Variants in TNIP3 observed in about 807,000 individuals in gnomAD.
TNIP3 encodes TNFAIP3 interacting protein 3, also known as TNFAIP3-interacting protein 3.
In TNIP3, 34 loss-of-function variants were observed where a neutral mutation model predicts 54.1. The observed-to-expected ratio is 0.63, with a 90% CI of 0.48 to 0.84. TNIP3 has a LOEUF of 0.84. TNIP3 is among the 40% of genes least tolerant of loss of function. TNIP3 has a pLI of 0.00. For synonymous variants in TNIP3, 134 were observed against 136.8 expected (o/e 0.98, Z 0.14); for missense variants, 366 against 387.6 (o/e 0.94, Z 0.47).
intron 2 of TNIP3, among the ~76,000 whole-genome samples, chr4:121,207,852 C>T (rs1726268911): frequency 6.6e-6 from 1 of 152,078 alleles, no homozygotes; most frequent in Admixed American, 6.6e-5. Context: ...TGGCTGTGTC[C>T]TCACCCAAAT....
chr4:121,151,453 T>C (rs1159176782), intron 5 of TNIP3, among the ~76,000 whole-genome samples: 1 of 151,824 alleles, frequency 6.6e-6, no homozygotes, highest in Non-Finnish European at 1.5e-5. Context: ...ATGAATATCA[T>C]TTTTTTTCAG....
intron 2 of TNIP3, among the ~76,000 whole-genome samples, chr4:121,213,021 G>A (rs1465228500): frequency 1.3e-5 from 2 of 152,148 alleles, no homozygotes; most frequent in East Asian, 1.9e-4. Flanking sequence ...ATAGCCAGCA[G>A]CTGTTTGGCT....
upstream of TNIP3, among the ~76,000 whole-genome samples, chr4:121,168,051 T>C (rs566041393): frequency 2.0e-5 from 3 of 152,306 alleles, no homozygotes; most frequent in East Asian, 5.8e-4. Flanking sequence ...CCTTGACTCT[T>C]CTTTCTCTTA....
rs372394674 is a variant in TNIP3, at chr4:121,205,412, G to C, written c.68+11003C>G. ...CAGATTAAACCAGAAAGGTAAAAGA[G>C]AGCCAGTTCAAGGAGGTTCGTGGGC... is the stretch of plus-strand genomic sequence containing the variant. On this transcript the variant is annotated intron_variant, in intron 2 of 12. Coordinates refer to the TNIP3 transcript ENST00000507879. Among the ~76,000 whole-genome samples the C allele has an allele frequency of 1.3e-4, 20 of 152,196 alleles. No individual in the cohort carries two copies. The East Asian group carries it at 2.9e-3, about 22-fold the overall frequency.
chr4:121,156,428 C>A (rs1018946830), intron 4 of TNIP3, among the ~76,000 whole-genome samples: 1 of 152,162 alleles, frequency 6.6e-6, no homozygotes, highest in African/African-American at 2.4e-5. Flanking sequence ...TGTCACCATC[C>A]AGTTCTCAGC....
intron 2 of TNIP3, among the ~76,000 whole-genome samples, chr4:121,212,739 G>A (rs1322296266): frequency 6.6e-6 from 1 of 152,190 alleles, no homozygotes; most frequent in African/African-American, 2.4e-5. Flanking sequence ...TTATGAAAAG[G>A]TGTGAGATAA....
intron 3 of TNIP3, among the ~76,000 whole-genome samples, chr4:121,174,245 A>T (rs1724167606): frequency 6.6e-6 from 1 of 152,142 alleles, no homozygotes; most frequent in South Asian, 2.1e-4. Flanking sequence ...AGTTATAATT[A>T]TAAAAATTAA....
upstream of TNIP3, among the ~76,000 whole-genome samples, chr4:121,216,980 A>AT (rs891745825): frequency 6.6e-6 from 1 of 152,080 alleles, no homozygotes; most frequent in African/African-American, 2.4e-5. Flanking sequence ...TATTTCTATG[A>AT]TTTTCAGGGT....
At chr4:121,190,661 A>T (rs1579466802) in intron 2 of TNIP3, among the ~76,000 whole-genome samples, 1 of 152,198 alleles carries the variant, frequency 6.6e-6, no homozygotes, top group East Asian at 1.9e-4. Flanking sequence ...CTGGAGGTAT[A>T]CTGGAGTTCA....
At chr4:121,132,911 A>G (rs1374176129) in intron 10 of TNIP3, among the ~76,000 whole-genome samples, 1 of 152,144 alleles carries the variant, frequency 6.6e-6, no homozygotes. Flanking sequence ...ATGCCTGAGG[A>G]GGAATGTTCT....
chr4:121,217,053 T>C (rs1260017725), upstream of TNIP3, among the ~76,000 whole-genome samples: 1 of 152,076 alleles, frequency 6.6e-6, no homozygotes, highest in African/African-American at 2.4e-5. Flanking sequence ...TCCGACAGAA[T>C]TTGTTTCTCA....
chr4:121,223,829 T>C (rs1727147064), intron 1 of TNIP3, among the ~76,000 whole-genome samples: 1 of 152,154 alleles, frequency 6.6e-6, no homozygotes, highest in Non-Finnish European at 1.5e-5. Context: ...AATTCTGATT[T>C]CCATCAAATT....
At chr4:121,186,186 G>A (rs1394464128) in intron 2 of TNIP3, among the ~76,000 whole-genome samples, 2 of 152,162 alleles carry the variant, frequency 1.3e-5, no homozygotes, top group Admixed American at 6.5e-5. Flanking sequence ...GAGGAGAAGT[G>A]GCAGCAAAGA....
chr4:121,205,851 A>G (rs909641591), intron 2 of TNIP3, among the ~76,000 whole-genome samples: 1 of 152,176 alleles, frequency 6.6e-6, no homozygotes, highest in African/African-American at 2.4e-5. Context: ...GGTAATTTAC[A>G]AAGGAAAGAG....
At chr4:121,197,989 G>A (rs1042279546) in intron 2 of TNIP3, among the ~76,000 whole-genome samples, 30 of 152,086 alleles carry the variant, frequency 2.0e-4, no homozygotes, top group African/African-American at 7.0e-4. Flanking sequence ...TACAGGCAAA[G>A]GCAATTTTAA....
chr4:121,225,108 C>A (rs1187491799), intron 1 of TNIP3, among the ~76,000 whole-genome samples: 3 of 152,170 alleles, frequency 2.0e-5, no homozygotes, highest in Non-Finnish European at 4.4e-5. Flanking sequence ...TACATTACAT[C>A]CTATATCCTT....
intron 2 of TNIP3, among the ~76,000 whole-genome samples, chr4:121,204,768 A>T (rs1726089893): frequency 6.6e-6 from 1 of 152,196 alleles, no homozygotes; most frequent in African/African-American, 2.4e-5. Flanking sequence ...AAAACTTTTA[A>T]TAGTGCTTCT....
At chr4:121,138,826 C>T in intron 9 of TNIP3, 142 bp from the exon 10 acceptor site, 1 of 724,006 alleles carries the variant, frequency 1.4e-6, no homozygotes, top group South Asian at 1.7e-5. Context: ...CAACCTCACT[C>T]ATCCTGCTTA....
chr4:121,137,473 A>G (rs1315483424), intron 10 of TNIP3: 1 of 152,446 alleles, frequency 6.6e-6, no homozygotes, highest in Non-Finnish European at 1.5e-5. Flanking sequence ...TGGATATTTT[A>G]TTATGGAATT....
Sources: gnomAD v4.1 joint callset for allele counts (sites outside exome capture counted in the v4.1 genomes callset) on GRCh38, gnomAD v4.1.1 for gene constraint, MANE v1.5 for transcripts, NCBI Gene and HGNC (gene_info 2026-07-23, HGNC 2026-07-21) for gene names.